POMZP3: variants seen among roughly 807,000 people sequenced by gnomAD.
POMZP3 encodes POM121 and ZP3 fusion.
Under a neutral mutation model 19.8 loss-of-function variants are expected in POMZP3, and 10 were observed. The ratio of observed to expected loss-of-function variants is 0.51; its 90% confidence interval spans 0.31 to 0.86. The LOEUF (loss-of-function observed/expected upper bound fraction) is 0.86. POMZP3 is among the 40% of genes least tolerant of loss of function. The pLI is 0.04. For missense variants in POMZP3, 152 were observed against 228.1 expected (o/e 0.67, Z 2.15); for synonymous variants, 57 against 85.8 (o/e 0.66, Z 1.85).
chr7:76,617,715 A>C, intron 4 of POMZP3, among the ~76,000 whole-genome samples: 1 of 98,412 alleles, frequency 1.0e-5, no homozygotes, highest in Non-Finnish European at 2.0e-5. Flanking sequence ...ATGGAGTCTC[A>C]CTGTCACTCA....
intron 3 of POMZP3, among the ~76,000 whole-genome samples, chr7:76,623,670 C>T (rs868058530): frequency 1.3e-5 from 2 of 148,460 alleles, no homozygotes; most frequent in African/African-American, 5.0e-5. Context: ...TGTGATGGTA[C>T]GCAACTGTAA....
intron 3 of POMZP3, among the ~76,000 whole-genome samples, chr7:76,623,169 GCC>G (rs1316339484): frequency 6.8e-6 from 1 of 147,442 alleles, no homozygotes; most frequent in Admixed American, 6.9e-5. Flanking sequence ...ACCGCACCCA[GCC>G]CAAATTGATT....
At chr7:76,624,501 A>C (rs1297428511) in intron 3 of POMZP3, among the ~76,000 whole-genome samples, 2 of 150,930 alleles carry the variant, frequency 1.3e-5, no homozygotes, top group Non-Finnish European at 2.9e-5. Context: ...GCTAGCATGC[A>C]CTGGCATGGT....
At chr7:76,624,210 A>C (rs1220970635) in intron 3 of POMZP3, among the ~76,000 whole-genome samples, 2 of 138,570 alleles carry the variant, frequency 1.4e-5, no homozygotes, top group Admixed American at 7.3e-5. Flanking sequence ...TCATGAAAGG[A>C]ATTTGGTGTG....
chr7:76,610,893 A>C (rs1815059408), intron 6 of POMZP3, among the ~76,000 whole-genome samples: 1 of 144,672 alleles, frequency 6.9e-6, no homozygotes, highest in African/African-American at 2.6e-5. Context: ...TTTTTTTTTG[A>C]GAGACAGTTT....
intron 4 of POMZP3, among the ~76,000 whole-genome samples, chr7:76,617,155 A>G (rs1815316894): frequency 1.1e-5 from 1 of 91,364 alleles, no homozygotes; most frequent in Admixed American, 1.1e-4. Context: ...TTTTTAGTAG[A>G]GGGGGTTTCA....
chr7:76,625,331 G>C, intron 3 of POMZP3, among the ~76,000 whole-genome samples, 191 bp downstream of exon 3: 1 of 151,296 alleles, frequency 6.6e-6, no homozygotes, highest in Non-Finnish European at 1.5e-5. Context: ...TTATGACATC[G>C]ATCTAACCTG....
chr7:76,620,183 C>T (rs981826381), intron 3 of POMZP3, among the ~76,000 whole-genome samples: 2 of 87,584 alleles, frequency 2.3e-5, no homozygotes, highest in Non-Finnish European at 4.7e-5. Flanking sequence ...ATAAAATTAG[C>T]CGGGCATGGT....
Position 76,611,451 on chromosome 7 carries a change from T to A in POMZP3, c.*11+3A>T, listed in dbSNP as rs1428757818. On this transcript the variant is annotated splice_donor_region_variant and intron_variant, in intron 6 of 6. Transcript: ENST00000310842. ...ACAGCCTCTTGGCCATTCTATGACA[T>A]ACCATGCCTGCGGTTACAGGGAAGC... 6.5e-7 allele frequency: 1 copy of A among 1,549,168 alleles called. No homozygotes were observed. Among genetic ancestry groups the A allele is most frequent in the African/African-American group, 1.7e-5 (1 of 58,950 alleles).
At chr7:76,613,176 A>C (rs1384734289) in intron 4 of POMZP3, among the ~76,000 whole-genome samples, 1 of 69,994 alleles carries the variant, frequency 1.4e-5, no homozygotes, top group Non-Finnish European at 3.1e-5. Context: ...TGGCCTCCCA[A>C]AGTGCTGGGA....
At chr7:76,624,192 GATTA>G (rs1254728372) in intron 3 of POMZP3, among the ~76,000 whole-genome samples, 1 of 135,662 alleles carries the variant, frequency 7.4e-6, no homozygotes, top group African/African-American at 2.9e-5. Context: ...AGTTGTGGAA[GATTA>G]ATCTCATGAA....
At chr7:76,614,589 A>T (rs1326824499) in intron 4 of POMZP3, among the ~76,000 whole-genome samples, 2 of 72,112 alleles carry the variant, frequency 2.8e-5, no homozygotes, top group Admixed American at 1.4e-4. Context: ...AAAAGAGGGG[A>T]GTGTGATAGC....
At chr7:76,623,404 A>G (rs1227093890) in intron 3 of POMZP3, among the ~76,000 whole-genome samples, 1 of 150,322 alleles carries the variant, frequency 6.7e-6, no homozygotes, top group Non-Finnish European at 1.5e-5. Context: ...ATTTCTGTCC[A>G]GAACCCAGCA....
At position 76,611,810 on chromosome 7, in the gene POMZP3, A is replaced by C. The variant is rs370250458; in HGVS notation, c.349T>G (p.Tyr117Asp). ...HFANDSRNMIYITCHLKVTLA... is the reference protein window; with the variant it reads ...HFANDSRNMIDITCHLKVTLA... Reference sequence around the variant, plus strand: ...GTGACCTTCAGGTGGCAGGTGATGTATATCTGCAAGGAATAACAGCTATTT... The same window carrying C: ...GTGACCTTCAGGTGGCAGGTGATGTCTATCTGCAAGGAATAACAGCTATTT... Residue 117 changes from tyrosine (Y) to aspartate (D), a missense_variant, in exon 5 of 7, where the codon TAC (tyrosine) becomes GAC (aspartate). Transcript: ENST00000310842. 1 of 1,573,570 alleles carries C rather than the reference A, an allele frequency of 6.4e-7. No individual in the cohort carries two copies. The highest frequency in any genetic ancestry group is 1.7e-5 in the Admixed American group (1 of 58,294).
chr7:76,610,243 G>A (rs1414393024), intron 6 of POMZP3, 28 bp from the exon 7 acceptor site: 1 of 1,613,860 alleles, frequency 6.2e-7, no homozygotes, highest in Non-Finnish European at 8.5e-7. Context: ...ACAACCAAGG[G>A]TCATCTTAGT....
At chr7:76,610,478 C>T (rs1190151152) in intron 6 of POMZP3, among the ~76,000 whole-genome samples, 2 of 151,798 alleles carry the variant, frequency 1.3e-5, no homozygotes, top group Admixed American at 1.3e-4. Context: ...CACGGCAAGA[C>T]CCGTCTCTAC....
intron 3 of POMZP3, chr7:76,618,594 G>C (rs1815378793): frequency 2.6e-6 from 1 of 384,608 alleles, no homozygotes; most frequent in Non-Finnish European, 4.9e-6. Context: ...GCACTAGCCT[G>C]GGTGACAGAC....
Position 76,626,817 on chromosome 7 carries a change from G to T in POMZP3, c.-261C>A, listed in dbSNP as rs1372629638. On this transcript the variant is annotated 5_prime_UTR_variant, in exon 1 of 7. Transcript: ENST00000310842. ...GGCGGTGTGGAGCGCGGCGCCGGGC[G>T]GGCGGGCGGCGGCCAGGCCTATTCC... 2.5e-5 allele frequency: 35 copies of T among 1,385,134 alleles called. 2 individuals carry two copies. Among genetic ancestry groups the T allele is most frequent in the Admixed American group, 1.3e-4 (4 of 29,692 alleles). The allele number at this position is 1,385,134 out of a possible 1,614,324, so 85.8% of individuals were successfully genotyped here.
Position 76,625,690 on chromosome 7 carries a change from TGAA to T in POMZP3, c.66-10_66-8del. Reference sequence around the variant, plus strand: ...GCTGATTATCTGCTCTGGTCTATAATGAAAGACAGGATTCTAGCAGTAAGATAT... The same window carrying T: ...GCTGATTATCTGCTCTGGTCTATAATAGACAGGATTCTAGCAGTAAGATAT... On this transcript the variant is annotated splice_polypyrimidine_tract_variant and splice_region_variant and intron_variant, in intron 2 of 6. Coordinates refer to ENST00000310842, the MANE Select transcript of POMZP3 (RefSeq NM_012230.5). The T allele has an allele frequency of 6.2e-7, 1 of 1,612,268 alleles. No individual in the cohort carries two copies. Among genetic ancestry groups the T allele is most frequent in the Non-Finnish European group, 8.5e-7 (1 of 1,179,244 alleles).
Sources: allele counts gnomAD v4.1 joint callset (sites outside exome capture counted in the v4.1 genomes callset), GRCh38; gene constraint gnomAD v4.1.1; transcripts MANE v1.5; gene names NCBI Gene and HGNC (gene_info 2026-07-23, HGNC 2026-07-21).